ENOX2: variants seen among roughly 807,000 people sequenced by gnomAD.
ENOX2 encodes the protein APK1 antigen.
ENOX2 carries 36 observed loss-of-function variants against 45.0 expected under a neutral mutation model. The ratio of observed to expected loss-of-function variants is 0.80; its 90% confidence interval spans 0.61 to 1.06. The LOEUF is 1.06. Ranked by LOEUF, ENOX2 falls within the 50% of genes least tolerant of loss-of-function variation. The pLI, the probability that ENOX2 is intolerant of heterozygous loss-of-function variation, is 0.00. For synonymous variants in ENOX2, 174 were observed against 152.3 expected (o/e 1.14, Z -1.05); for missense variants, 423 against 462.5 (o/e 0.91, Z 0.78).
chrX:130,653,943 A>C (rs1320333059), intron 10 of ENOX2, among the ~76,000 whole-genome samples: 1 of 112,129 alleles, frequency 8.9e-6, no homozygotes, highest in Non-Finnish European at 1.9e-5. Flanking sequence ...GATGGCTGAT[A>C]AAATGCAGAT....
chrX:130,770,029 T>C (rs986143746), intron 3 of ENOX2, among the ~76,000 whole-genome samples: 3 of 112,222 alleles, frequency 2.7e-5, no homozygotes, highest in Middle Eastern at 4.6e-3. Flanking sequence ...CACTTTCAAG[T>C]GGCAACCAAA....
At chrX:130,809,124 T>C (rs1322814123) in intron 2 of ENOX2, among the ~76,000 whole-genome samples, 1 of 112,354 alleles carries the variant, frequency 8.9e-6, no homozygotes, top group African/African-American at 3.2e-5. Flanking sequence ...ACAATGTTCA[T>C]GAGAGTTTTA....
At position 130,824,733 on chromosome X, in the gene ENOX2, A is replaced by G. The variant is rs1179204587; in HGVS notation, c.-182-41043T>C. ...AACGAGCAAATGATATGAATAGGCA[A>G]TTCTCAGAAAAGGAAACCCACATGG... On this transcript the variant is annotated intron_variant, in intron 2 of 14. Coordinates refer to ENST00000394363, the MANE Select transcript of ENOX2 (RefSeq NM_006375.4). 3.6e-5 allele frequency among the ~76,000 whole-genome samples: 4 copies of G among 111,815 alleles called. No homozygotes were observed. In the East Asian group the frequency reaches 8.4e-4, roughly 23 times the overall value.
chrX:130,792,354 C>T (rs1011639461), intron 2 of ENOX2, among the ~76,000 whole-genome samples: 3 of 112,022 alleles, frequency 2.7e-5, no homozygotes, highest in African/African-American at 9.8e-5. Flanking sequence ...AATCCCATGA[C>T]ATGAGTTTAC....
intron 2 of ENOX2, among the ~76,000 whole-genome samples, chrX:130,895,677 G>A (rs972899780): frequency 8.9e-6 from 1 of 112,075 alleles, no homozygotes; most frequent in Non-Finnish European, 1.9e-5. Flanking sequence ...AACATTTTGT[G>A]AGTAAGAGAC....
chrX:130,820,667 A>T (rs930473742), intron 2 of ENOX2, among the ~76,000 whole-genome samples: 1 of 112,785 alleles, frequency 8.9e-6, no homozygotes, highest in African/African-American at 3.2e-5. Flanking sequence ...AACGACATGG[A>T]TGAAAGTGGA....
chrX:130,738,674 T>C (rs1376227447), intron 3 of ENOX2, among the ~76,000 whole-genome samples: 2 of 112,177 alleles, frequency 1.8e-5, no homozygotes, highest in African/African-American at 3.2e-5. Context: ...ACAATTTAAG[T>C]TTTTGGCAAA....
chrX:130,855,531 T>A (rs1301861577), intron 2 of ENOX2, among the ~76,000 whole-genome samples: 1 of 111,651 alleles, frequency 9.0e-6, no homozygotes, highest in Non-Finnish European at 1.9e-5. Flanking sequence ...ATTGGTTAAA[T>A]GCAATATCCA....
At chrX:130,631,419 C>G (rs752419093) in intron 13 of ENOX2, 49 bp downstream of exon 13, 3 of 702,283 alleles carry the variant, frequency 4.3e-6, no homozygotes, top group African/African-American at 2.1e-5. Context: ...CTCCTCTCCT[C>G]CATTGTACCC....
intron 2 of ENOX2, among the ~76,000 whole-genome samples, chrX:130,888,586 TA>T (rs1235524339): frequency 1.8e-5 from 2 of 112,106 alleles, no homozygotes; most frequent in Non-Finnish European, 3.8e-5. Flanking sequence ...TTGTAAATTG[TA>T]AAGGGTTATA....
chrX:130,840,120 A>G (rs928184833), intron 2 of ENOX2, among the ~76,000 whole-genome samples: 22 of 111,602 alleles, frequency 2.0e-4, no homozygotes, highest in African/African-American at 7.1e-4. Context: ...TGTATTTTAA[A>G]TGCCCTATAA....
At position 130,894,356 on chromosome X, in the gene ENOX2, A is replaced by T. The variant is rs1036410598; in HGVS notation, c.-183+7328T>A. Among the ~76,000 whole-genome samples, 19 of 106,284 alleles carry T rather than the reference A, an allele frequency of 1.8e-4. No homozygotes were observed. In the East Asian group the frequency reaches 2.0e-3, roughly 11 times the overall value. The allele number at this position is 106,284 out of a possible 115,157, so 92.3% of individuals were successfully genotyped here. On this transcript the variant is annotated intron_variant, in intron 2 of 14. Transcript: ENST00000394363. ...TATCCTAGAACTTAAAGTAAAATTT[A>T]AAAAAAAAAGAAAAAAAAAAAAGAA... is the stretch of plus-strand genomic sequence containing the variant.
intron 2 of ENOX2, among the ~76,000 whole-genome samples, chrX:130,855,870 T>C (rs1238734796): frequency 9.0e-6 from 1 of 111,437 alleles, no homozygotes; most frequent in East Asian, 2.8e-4. Flanking sequence ...CTCTCAGAAC[T>C]GAACAGTAAA....
rs2078347548 is a variant in ENOX2, at chrX:130,858,219, G to A, written c.-183+43465C>T. ...AACCTCTGCCTCCCCGGGTTCAAGCGATTCTCCTGCCTCAGCCTCCCAAGT... is the reference window on the plus strand; with the variant it reads ...AACCTCTGCCTCCCCGGGTTCAAGCAATTCTCCTGCCTCAGCCTCCCAAGT... On this transcript the variant is annotated intron_variant, in intron 2 of 14. Transcript: ENST00000394363. 3.7e-5 allele frequency among the ~76,000 whole-genome samples: 4 copies of A among 107,575 alleles called. No homozygotes were observed. The Admixed American group carries it at 4.0e-4, about 11-fold the overall frequency. 93.4% of individuals were successfully genotyped at this position (107,575 alleles called of 115,157 possible).
chrX:130,709,308 G>A (rs2038120646), intron 3 of ENOX2: 1 of 1,185,058 alleles, frequency 8.4e-7, no homozygotes, highest in Non-Finnish European at 1.1e-6. Context: ...GTCCTCAACT[G>A]TGAACTTAGC....
chrX:130,889,657 T>C (rs904587930), intron 2 of ENOX2, among the ~76,000 whole-genome samples: 1 of 111,723 alleles, frequency 9.0e-6, no homozygotes, highest in Non-Finnish European at 1.9e-5. Flanking sequence ...ATCAGAAACA[T>C]ACTTGCTGAA....
At chrX:130,686,988 C>T (rs2037465575) in intron 5 of ENOX2, among the ~76,000 whole-genome samples, 1 of 111,714 alleles carries the variant, frequency 9.0e-6, no homozygotes, top group African/African-American at 3.3e-5. Flanking sequence ...ATGCTGCCCT[C>T]TCACTCTGTG....
intron 6 of ENOX2, among the ~76,000 whole-genome samples, chrX:130,677,097 T>C (rs376073737): frequency 8.9e-6 from 1 of 111,790 alleles, no homozygotes; most frequent in Non-Finnish European, 1.9e-5. Context: ...TCATGCCCCA[T>C]TGTCCACAAG....
Position 130,656,685 on chromosome X carries a change from T to C in ENOX2, c.1025A>G (p.Asn342Ser), listed in dbSNP as rs761021621. ...VWCKQAEEIR[N>S]IHNDELMGIR... Reference sequence around the variant, plus strand: ...TCCCATTAATTCATCATTATGAATGTTGCGAATTTCCTAAGGTTAAAAAGT... The same window carrying C: ...TCCCATTAATTCATCATTATGAATGCTGCGAATTTCCTAAGGTTAAAAAGT... Residue 342 changes from asparagine to serine, a missense_variant, in exon 10 of 15, where the codon AAC becomes AGC. Asn to Ser is a conservative substitution (Grantham distance 46). Transcript: ENST00000394363. 2.7e-6 allele frequency: 3 copies of C among 1,114,507 alleles called. No individual in the cohort carries two copies. The highest frequency in any genetic ancestry group is 2.5e-6 in the Non-Finnish European group (2 of 813,193). 91.8% of individuals were successfully genotyped at this position (1,114,507 alleles called of 1,213,427 possible).
Sources: allele counts gnomAD v4.1 joint callset (sites outside exome capture counted in the v4.1 genomes callset), GRCh38; gene constraint gnomAD v4.1.1; transcripts MANE v1.5; gene names NCBI Gene and HGNC (gene_info 2026-07-23, HGNC 2026-07-21).